The following EGF variants were observed in gnomAD, a reference collection of about 807,000 sequenced individuals.
The protein encoded by EGF is epidermal growth factor, also known as pro-epidermal growth factor.
Under a neutral mutation model 143.8 loss-of-function variants are expected in EGF, and 95 were observed. The observed-to-expected ratio is 0.66, with a 90% CI of 0.56 to 0.78. The LOEUF (loss-of-function observed/expected upper bound fraction) is 0.78. Among genes scored for constraint, EGF ranks in the 30% least tolerant of loss-of-function variants. EGF has a pLI of 0.00. For missense variants in EGF, 1,320 were observed against 1,470.9 expected (o/e 0.90, Z 1.68); for synonymous variants, 510 against 510.5 (o/e 1.00, Z 0.01).
chr4:110,011,319 G>T lies in EGF; in HGVS notation c.3488G>T (p.Arg1163Leu). The T allele has an allele frequency of 1.2e-6, 2 of 1,614,126 alleles. No individual in the cohort carries two copies. Among genetic ancestry groups the T allele is most frequent in the Non-Finnish European group, 1.7e-6 (2 of 1,180,018 alleles). The stretch of plus-strand genomic sequence containing the variant: ...GGCTCCTGTCCCCAGGTAATGGAGC[G>T]AAGCTTTCATATGCCCTCCTATGGG... ...DKGSCPQVME[R>L]SFHMPSYGTQ... The change falls in exon 24 of 24, where the codon CGA (arginine) becomes CTA (leucine). Residue 1163 changes from arginine to leucine, a missense_variant. Physicochemically the swap from Arg to Leu is moderately radical, Grantham distance 102. This residue lies in a region of EGF where 1,186 missense variants were observed against 1,313.7 expected (regional missense o/e 0.90). Coordinates refer to ENST00000265171, the MANE Select transcript of EGF (RefSeq NM_001963.6).
At chr4:109,963,610 G>A (rs984682205) in intron 9 of EGF, among the ~76,000 whole-genome samples, 1 of 152,126 alleles carries the variant, frequency 6.6e-6, no homozygotes. Flanking sequence ...CATTTAATAA[G>A]TATTTGTTGA....
At chr4:109,989,033 T>G (rs1440403031) in intron 18 of EGF, among the ~76,000 whole-genome samples, 1 of 152,022 alleles carries the variant, frequency 6.6e-6, no homozygotes, top group African/African-American at 2.4e-5. Context: ...ATGGGGGGAG[T>G]TGGACAGCAT....
intron 5 of EGF, among the ~76,000 whole-genome samples, chr4:109,949,361 C>T (rs1183309430): frequency 6.6e-6 from 1 of 152,188 alleles, no homozygotes; most frequent in African/African-American, 2.4e-5. Flanking sequence ...GCCGCCGTGC[C>T]TGGCCTCAAA....
At chr4:109,995,496 G>A (rs1224928868) in intron 20 of EGF, among the ~76,000 whole-genome samples, 1 of 152,206 alleles carries the variant, frequency 6.6e-6, no homozygotes, top group Non-Finnish European at 1.5e-5. Flanking sequence ...ACCTGGAAAG[G>A]AGATTTGAGG....
chr4:109,999,616 G>T (rs1752284844), intron 20 of EGF, 63 bp from the exon 21 acceptor site: 2 of 1,605,106 alleles, frequency 1.2e-6, no homozygotes, highest in South Asian at 2.2e-5. Context: ...AATACTGAGT[G>T]TCAAAACTAT....
intron 12 of EGF, among the ~76,000 whole-genome samples, chr4:109,975,059 C>G (rs1201841103): frequency 6.6e-6 from 1 of 152,190 alleles, no homozygotes; most frequent in Non-Finnish European, 1.5e-5. Context: ...ACCAACTAGA[C>G]TCAAGCTCAT....
chr4:110,011,083 A>G (rs754825377), intron 23 of EGF, 119 bp from the exon 24 acceptor site: 10 of 1,210,852 alleles, frequency 8.3e-6, no homozygotes, highest in Non-Finnish European at 1.2e-5. Flanking sequence ...TAGTTTGAAA[A>G]TGGGTTATCT....
chr4:109,988,910 G>C (rs1465056457), intron 18 of EGF, among the ~76,000 whole-genome samples: 2 of 152,172 alleles, frequency 1.3e-5, no homozygotes, highest in Admixed American at 1.3e-4. Context: ...TGTTATTACT[G>C]CCCTAGTCAG....
intron 13 of EGF, among the ~76,000 whole-genome samples, chr4:109,979,517 T>G (rs2126113498): frequency 6.6e-6 from 1 of 152,266 alleles, no homozygotes; most frequent in South Asian, 2.1e-4. Context: ...TTACCTCAAA[T>G]TTTGAAAAAT....
In EGF at chr4:109,988,657, T is replaced by C. The variant is rs758073460; in HGVS notation, c.2682T>C (p.Gly894=). 1 of 1,614,092 alleles carries C rather than the reference T, an allele frequency of 6.2e-7. No individual in the cohort carries two copies. The highest frequency in any genetic ancestry group is 1.1e-5 in the South Asian group (1 of 91,086). ...CCAAGTGCATCAACACCGAAGGTGG[T>C]TATGTCTGCCGGTGCTCAGAAGGCT... ...ASSKCINTEG[G]YVCRCSEGYQ... The change falls in exon 18 of 24, where the codon GGT becomes GGC. Residue 894 remains glycine (G), a synonymous_variant. Transcript: ENST00000265171.
At chr4:109,941,480 T>G (rs11568888) in intron 2 of EGF, among the ~76,000 whole-genome samples, 251 of 152,150 alleles carry the variant, frequency 1.6e-3, no homozygotes, top group African/African-American at 5.8e-3. Context: ...AGCTCTCAGG[T>G]GGGGGGCAAT....
intron 18 of EGF, among the ~76,000 whole-genome samples, chr4:109,990,383 T>C (rs72896525): frequency 0.073 from 11,082 of 152,174 alleles, 1,187 homozygotes; most frequent in African/African-American, 0.24. Context: ...GTTTGAGGTA[T>C]TGGGAAAGAT....
intron 4 of EGF, among the ~76,000 whole-genome samples, chr4:109,944,551 A>G (rs1321174268): frequency 6.6e-6 from 1 of 152,262 alleles, no homozygotes; most frequent in African/African-American, 2.4e-5. Context: ...GGATAATCAT[A>G]ATATCAGTCT....
At chr4:109,984,603 C>T (rs554871186) in intron 16 of EGF, among the ~76,000 whole-genome samples, 257 of 152,242 alleles carry the variant, frequency 1.7e-3, no homozygotes, top group Non-Finnish European at 2.6e-3. Context: ...GCAGGTTTCA[C>T]ATCCCACCAA....
rs776405647 is a variant in EGF, at chr4:110,011,500, T to C, written c.*45T>C. ...AGTCAAGAAGAATGAACTATGTCGA[T>C]GCACAGTATCTTTTCTTTCAAAAGT... On this transcript the variant is annotated 3_prime_UTR_variant, in exon 24 of 24. Transcript: ENST00000265171. 6.2e-7 allele frequency: 1 copy of C among 1,613,888 alleles called. No individual in the cohort carries two copies.
intron 21 of EGF, among the ~76,000 whole-genome samples, chr4:110,001,038 T>C (rs4698757): frequency 0.042 from 6,339 of 152,294 alleles, 328 homozygotes; most frequent in East Asian, 0.17. Flanking sequence ...AAGATGTACT[T>C]ATCAGAGATC....
chr4:110,002,152 T>G, intron 21 of EGF: 1 of 594,946 alleles, frequency 1.7e-6, no homozygotes, highest in African/African-American at 2.0e-5. Context: ...TTGCCTGTCT[T>G]GTCTAGCTTG....
At chr4:109,979,625 T>C (rs908809438) in intron 13 of EGF, among the ~76,000 whole-genome samples, 1 of 152,196 alleles carries the variant, frequency 6.6e-6, no homozygotes, top group African/African-American at 2.4e-5. Context: ...TACTCGAGTT[T>C]AGTCTATAAG....
At chr4:109,930,633 A>G (rs1488765259) in intron 1 of EGF, among the ~76,000 whole-genome samples, 1 of 152,144 alleles carries the variant, frequency 6.6e-6, no homozygotes, top group African/African-American at 2.4e-5. Flanking sequence ...TTATGTGTTA[A>G]CTAGCTCTCA....
Sources: gnomAD v4.1 joint callset for allele counts (sites outside exome capture counted in the v4.1 genomes callset) on GRCh38, gnomAD v4.1.1 for gene constraint, gnomAD v4.1.1 regional missense constraint, MANE v1.5 for transcripts, NCBI Gene and HGNC (gene_info 2026-07-23, HGNC 2026-07-21) for gene names.